Variants in PCSK6 observed in about 807,000 individuals in gnomAD.
The protein encoded by PCSK6 is paired basic amino acid cleaving enzyme 4.
A neutral mutation model predicts 123.3 loss-of-function variants in PCSK6; 85 were observed. The ratio of observed to expected loss-of-function variants is 0.69; its 90% CI spans 0.58 to 0.83. The LOEUF (loss-of-function observed/expected upper bound fraction) is 0.83, where lower values mean the gene tolerates loss of function less well. PCSK6 is among the 40% of genes least tolerant of loss of function. PCSK6 has a pLI of 0.00. For synonymous variants in PCSK6, 508 were observed against 516.0 expected (o/e 0.98, Z 0.21); for missense variants, 1,191 against 1,282.3 (o/e 0.93, Z 1.09).
At chr15:101,312,994 G>T in intron 20 of PCSK6, 1 of 1,161,410 alleles carries the variant, frequency 8.6e-7, no homozygotes, top group Non-Finnish European at 1.1e-6. Flanking sequence ...GACAGAGTGA[G>T]AGTGTGTCTC....
chr15:101,358,029 G>A (rs1228377376), intron 13 of PCSK6, among the ~76,000 whole-genome samples: 1 of 152,200 alleles, frequency 6.6e-6, no homozygotes, highest in Non-Finnish European at 1.5e-5. Context: ...GGGAGTTAGG[G>A]CAGGTCATCG....
Position 101,326,400 on chromosome 15 carries a change from G to A in PCSK6, c.2157C>T (p.Ser719=). 1 of 1,578,734 alleles carries A rather than the reference G, an allele frequency of 6.3e-7. No homozygotes were observed. Among genetic ancestry groups the A allele is most frequent in the East Asian group, 2.3e-5 (1 of 42,920 alleles). Residue 719 remains serine (S), a synonymous_variant, in exon 16 of 22, where the codon AGC becomes AGT. Transcript: ENST00000611716. ...ADQCLNCVHF[S]LGSVKTSRKC... The stretch of plus-strand genomic sequence containing the variant: ...ACCTGCTGGTCTTGACACTCCCCAG[G>A]CTGAAGTGGACGCAGTTCAAGCACT...
intron 1 of PCSK6, among the ~76,000 whole-genome samples, chr15:101,452,489 AACT>A (rs1354106060): frequency 1.3e-5 from 2 of 152,130 alleles, no homozygotes; most frequent in African/African-American, 4.8e-5. Flanking sequence ...TAAGCTGTAA[AACT>A]CTTCTTTTTC....
At chr15:101,413,242 C>T (rs1259394899) in intron 6 of PCSK6, among the ~76,000 whole-genome samples, 2 of 151,934 alleles carry the variant, frequency 1.3e-5, no homozygotes, top group Non-Finnish European at 2.9e-5. Context: ...ATGTATATTA[C>T]AAATATAAAT....
At chr15:101,380,733 C>T (rs1377700350) in intron 11 of PCSK6, among the ~76,000 whole-genome samples, 1 of 152,218 alleles carries the variant, frequency 6.6e-6, no homozygotes. Context: ...AGCCCTCCAC[C>T]AGACACATTT....
intron 6 of PCSK6, among the ~76,000 whole-genome samples, chr15:101,426,883 C>G (rs1269344022): frequency 1.3e-5 from 2 of 151,956 alleles, no homozygotes; most frequent in Non-Finnish European, 2.9e-5. Flanking sequence ...GCAGTGCCCC[C>G]CCGGGAAGGT....
chr15:101,317,491 A>T (rs1479571924), intron 19 of PCSK6, among the ~76,000 whole-genome samples: 2 of 148,352 alleles, frequency 1.3e-5, no homozygotes, highest in African/African-American at 5.2e-5. Context: ...ATACATGTAA[A>T]ATTGTTTATA....
intron 18 of PCSK6, among the ~76,000 whole-genome samples, chr15:101,320,832 C>T (rs770456870): frequency 1.4e-4 from 21 of 152,190 alleles, no homozygotes; most frequent in African/African-American, 2.9e-4. Context: ...CTGTGGCTGA[C>T]GGCTGGCGAT....
Position 101,393,258 on chromosome 15 carries a change from G to C in PCSK6, c.1163C>G (p.Thr388Ser). The C allele has an allele frequency of 6.2e-7, 1 of 1,613,704 alleles. No individual in the cohort carries two copies. The highest frequency in any genetic ancestry group is 8.5e-7 in the Non-Finnish European group (1 of 1,179,938). Reference protein sequence around the residue: ...KPWYLEECASTLATTYSSGAF... With the variant: ...KPWYLEECASSLATTYSSGAF... ...CCCACTGCTGTAGGTGGTGGCCAGG[G>C]TGGAGGCACACTCTTCCAGGTACCA... Residue 388 changes from threonine to serine, a missense_variant, in exon 8 of 22, where the codon ACC (threonine) becomes AGC (serine). By Grantham distance (58) the Thr-to-Ser change is moderately conservative (BLOSUM62 1). Around this residue, in one of 3 missense-constraint regions of PCSK6, gnomAD observed 357 missense variants for 484.5 expected, o/e 0.74. Coordinates refer to ENST00000611716, the MANE Select transcript of PCSK6 (RefSeq NM_002570.5).
At position 101,359,603 on chromosome 15, in the gene PCSK6, C is replaced by T. The variant is rs115128407; in HGVS notation, c.1858+6593G>A. Among the ~76,000 whole-genome samples, 1,363 of 152,396 alleles carry T rather than the reference C, an allele frequency of 8.9e-3. 24 individuals are homozygous for T. The highest frequency in any genetic ancestry group is 0.031 in the African/African-American group (1,295 of 41,596). ...GCTGCAGATGGCAAGCCCATCAGTGCTAAGGCCAAGGCCAGAGCTGCTGAG... is the reference window on the plus strand; with the variant it reads ...GCTGCAGATGGCAAGCCCATCAGTGTTAAGGCCAAGGCCAGAGCTGCTGAG... On this transcript the variant is annotated intron_variant, in intron 13 of 21. Coordinates refer to ENST00000611716, the MANE Select transcript of PCSK6 (RefSeq NM_002570.5).
At chr15:101,313,548 C>T in intron 19 of PCSK6, 43 bp from the exon 20 acceptor site, 1 of 1,560,186 alleles carries the variant, frequency 6.4e-7, no homozygotes, top group Non-Finnish European at 8.6e-7. Context: ...GGATGGCTGG[C>T]AGAAGACCAT....
At position 101,445,008 on chromosome 15, in the gene PCSK6, C is replaced by T. The variant is rs560776350; in HGVS notation, c.298-1348G>A. 2.2e-4 allele frequency among the ~76,000 whole-genome samples: 33 copies of T among 152,334 alleles called. 1 individual carries two copies. In the South Asian group the frequency reaches 6.2e-3, roughly 29 times the overall value. On this transcript the variant is annotated intron_variant, in intron 1 of 21. Coordinates refer to ENST00000611716, the MANE Select transcript of PCSK6 (RefSeq NM_002570.5). The stretch of plus-strand genomic sequence containing the variant: ...CTCCTGTTCGTGGGTTTAGGAGACA[C>T]CACTTTGTCCTCGAAATAAAGAGTT...
At chr15:101,425,581 T>C (rs538071646) in intron 6 of PCSK6, among the ~76,000 whole-genome samples, 52 of 152,326 alleles carry the variant, frequency 3.4e-4, no homozygotes, top group Non-Finnish European at 6.5e-4. Context: ...AAATCTAAGA[T>C]AGAGCGTTTC....
intron 1 of PCSK6, among the ~76,000 whole-genome samples, chr15:101,447,285 G>A (rs568595194): frequency 2.0e-5 from 3 of 152,222 alleles, no homozygotes; most frequent in South Asian, 4.1e-4. Flanking sequence ...CCAGGCTCAC[G>A]CAGGGTCACC....
chr15:101,356,210 G>A (rs539369696), intron 13 of PCSK6, among the ~76,000 whole-genome samples: 9 of 152,278 alleles, frequency 5.9e-5, no homozygotes, highest in East Asian at 1.9e-4. Context: ...TGCCTGCACC[G>A]TTGCCAGCTC....
At chr15:101,438,860 C>T (rs967501604) in intron 2 of PCSK6, among the ~76,000 whole-genome samples, 3 of 152,204 alleles carry the variant, frequency 2.0e-5, no homozygotes, top group Admixed American at 6.5e-5. Flanking sequence ...AGCAGGCTTC[C>T]TGGTGGCAGG....
chr15:101,465,064 G>C (rs1399079438), intron 1 of PCSK6, among the ~76,000 whole-genome samples: 1 of 152,182 alleles, frequency 6.6e-6, no homozygotes, highest in Non-Finnish European at 1.5e-5. Flanking sequence ...GGACCTACTG[G>C]GTCTGCTGAG....
intron 11 of PCSK6, among the ~76,000 whole-genome samples, chr15:101,377,055 A>G (rs988757363): frequency 2.0e-5 from 3 of 152,226 alleles, no homozygotes; most frequent in Non-Finnish European, 4.4e-5. Flanking sequence ...TCCTAAAAAG[A>G]CGTCACATCA....
Position 101,370,336 on chromosome 15 carries a change from T to G in PCSK6, c.1720A>C (p.Arg574=), listed in dbSNP as rs1198390053. 1 of 1,535,970 alleles carries G rather than the reference T, an allele frequency of 6.5e-7. No individual in the cohort carries two copies. ...SGTKSQLLAK[R]LLDLSNEGFT... is the part of the protein sequence containing the mutation. ...ATCCCCACGCCTGCCTCGCCTTACC[T>G]CTTTGCCAGAAGTTGAGACTTGGTT... Residue 574 remains arginine, a splice_region_variant and synonymous_variant, in exon 12 of 22, where the codon AGG becomes CGG. Coordinates refer to ENST00000611716, the MANE Select transcript of PCSK6 (RefSeq NM_002570.5).
Sources: allele counts gnomAD v4.1 joint callset (sites outside exome capture counted in the v4.1 genomes callset), GRCh38; gene constraint gnomAD v4.1.1; regional missense constraint gnomAD v4.1.1; transcripts MANE v1.5; gene names NCBI Gene and HGNC (gene_info 2026-07-23, HGNC 2026-07-21).